The following FLT1 variants were observed in gnomAD, a reference collection of about 807,000 sequenced individuals.
FLT1 encodes the protein fms related receptor tyrosine kinase 1.
A neutral mutation model predicts 156.3 loss-of-function variants in FLT1; 49 were observed. The observed-to-expected ratio is 0.31, with a 90% confidence interval of 0.25 to 0.40. The LOEUF (loss-of-function observed/expected upper bound fraction) is 0.40. FLT1 is among the 10% of genes least tolerant of loss of function. FLT1 has a pLI of 1.00. For missense variants in FLT1, 1,322 were observed against 1,637.2 expected, an observed-to-expected ratio of 0.81 and a Z score of 3.32; for synonymous variants, 594 against 583.8, an observed-to-expected ratio of 1.02 and a Z score of -0.25.
chr13:28,481,097 C>G (rs577965230), intron 1 of FLT1, among the ~76,000 whole-genome samples: 1 of 152,298 alleles, frequency 6.6e-6, no homozygotes, highest in African/African-American at 2.4e-5. Flanking sequence ...GTAACATTAC[C>G]TAGTGACTCG....
Position 28,306,752 on chromosome 13 carries a change from G to A in FLT1, c.3741C>T (p.Ser1247=). The change falls in exon 29 of 30, where the codon AGC becomes AGT. Residue 1247 remains serine, a synonymous_variant. Transcript: ENST00000282397. ...TCAGCATGGGAGAGGCCAACAGAGT[G>A]CTGCTGTCGCCCTGGTAGTCCTAGG... ...SMFDDYQGDS[S]TLLASPMLKR... 1 of 1,613,590 alleles carries A rather than the reference G, an allele frequency of 6.2e-7. No individual in the cohort carries two copies. The highest frequency in any genetic ancestry group is 8.5e-7 in the Non-Finnish European group (1 of 1,179,526).
intron 14 of FLT1, among the ~76,000 whole-genome samples, chr13:28,381,753 G>C (rs143066066): frequency 6.6e-6 from 1 of 152,224 alleles, no homozygotes; most frequent in African/African-American, 2.4e-5. Flanking sequence ...TTGAGCCTAA[G>C]TTTTCCATTC....
chr13:28,389,936 G>A lies in FLT1; in HGVS notation c.1829C>T (p.Ala610Val), dbSNP rs1277417641. 1 of 1,613,960 alleles carries A rather than the reference G, an allele frequency of 6.2e-7. No individual in the cohort carries two copies. Among genetic ancestry groups the A allele is most frequent in the African/African-American group, 1.3e-5 (1 of 74,902 alleles). ...MHYSISKQKM[A>V]ITKEHSITLN... ...AGTGATGGAGTGCTCCTTAGTGATG[G>A]CCATTTTTTGCTTGCTAATACTGTA... Residue 610 changes from alanine (A) to valine (V), a missense_variant, in exon 13 of 30, where the codon GCC becomes GTC. Around this residue, in one of 3 missense-constraint regions of FLT1, gnomAD observed 991 missense variants for 1,254.8 expected, o/e 0.79. Transcript: ENST00000282397.
At chr13:28,452,953 CACCTAAGTCTGGCACT>C (rs1429011250) in intron 3 of FLT1, among the ~76,000 whole-genome samples, 1 of 138,428 alleles carries the variant, frequency 7.2e-6, no homozygotes, top group Non-Finnish European at 1.5e-5. Flanking sequence ...AGTCTGGCAC[CACCTAAGTCTGGCACT>C]ACCTTTATTC....
intron 3 of FLT1, among the ~76,000 whole-genome samples, chr13:28,444,742 G>A (rs530083671): frequency 1.3e-5 from 2 of 152,076 alleles, no homozygotes; most frequent in East Asian, 3.9e-4. Context: ...ACAAATATGT[G>A]GAAATTGACA....
intron 1 of FLT1, among the ~76,000 whole-genome samples, chr13:28,491,782 T>C (rs1881481466): frequency 6.6e-6 from 1 of 152,216 alleles, no homozygotes; most frequent in Non-Finnish European, 1.5e-5. Context: ...TCATTGAATT[T>C]TGGAGTCAGA....
At position 28,323,089 on chromosome 13, in the gene FLT1, A is replaced by G. The variant is rs1011272543; in HGVS notation, c.2797-143T>C. The G allele has an allele frequency of 7.9e-6, 7 of 881,708 alleles. No individual in the cohort carries two copies. In the African/African-American group the frequency reaches 8.3e-5, roughly 10 times the overall value. The allele number at this position is 881,708 out of a possible 1,614,324, so 54.6% of individuals were successfully genotyped here. On this transcript the variant is annotated intron_variant, in intron 20 of 29. Coordinates refer to ENST00000282397, the MANE Select transcript of FLT1 (RefSeq NM_002019.4). ...GATCGTGAACTAGCACAGGGGCCCT[A>G]CGGTGTCCAGGAGCCTGACTACCTC... is the stretch of plus-strand genomic sequence containing the variant.
At chr13:28,350,441 G>A (rs551431442) in intron 15 of FLT1, among the ~76,000 whole-genome samples, 2 of 152,142 alleles carry the variant, frequency 1.3e-5, no homozygotes, top group South Asian at 2.1e-4. Flanking sequence ...GTTCTGAAGG[G>A]GTGTGTATCT....
intron 11 of FLT1, among the ~76,000 whole-genome samples, chr13:28,403,626 A>G (rs1313627757): frequency 6.6e-6 from 1 of 152,258 alleles, no homozygotes; most frequent in African/African-American, 2.4e-5. Context: ...CATCCTCCTG[A>G]CATGGTCAGG....
In FLT1 at chr13:28,430,189, A is replaced by G. The variant is rs769858408; in HGVS notation, c.989-22T>C. ...TTATCTTTGAAAGGAGAAGTGATAC[A>G]TACATTAGAAAAGAATAATTTCCAT... is the stretch of plus-strand genomic sequence containing the variant. On this transcript the variant is annotated intron_variant, in intron 7 of 29. Transcript: ENST00000282397. 7 of 1,517,192 alleles carry G rather than the reference A, an allele frequency of 4.6e-6. No individual in the cohort carries two copies. The South Asian group carries it at 5.6e-5, about 12-fold the overall frequency. The allele number at this position is 1,517,192 out of a possible 1,614,324, so 94.0% of individuals were successfully genotyped here. A position where few individuals can be genotyped will look rare whatever the true frequency, so the allele number is the denominator to read the frequency against.
At chr13:28,438,971 T>G (rs1333662529) in intron 3 of FLT1, among the ~76,000 whole-genome samples, 1 of 152,236 alleles carries the variant, frequency 6.6e-6, no homozygotes, top group Non-Finnish European at 1.5e-5. Flanking sequence ...TTCATATGTA[T>G]ATTAGGCTTA....
intron 14 of FLT1, among the ~76,000 whole-genome samples, chr13:28,374,163 TG>T (rs1242799015): frequency 6.6e-6 from 1 of 152,130 alleles, no homozygotes; most frequent in Admixed American, 6.5e-5. Flanking sequence ...CACTTTAAAA[TG>T]GTTAAAATGA....
In FLT1 at chr13:28,345,547, G is replaced by C. The variant is rs2138859477; in HGVS notation, c.2253C>G (p.Thr751=). 6.3e-7 allele frequency: 1 copy of C among 1,595,686 alleles called. No homozygotes were observed. The highest frequency in any genetic ancestry group is 8.6e-7 in the Non-Finnish European group (1 of 1,165,080). ...ESSAYLTVQG[T]SDKSNLELIT... ...TCAGCTCCAGATTAGACTTGTCCGAGGTTCCTGGAGAGAAAAAAAATCACA... is the reference window on the plus strand; with the variant it reads ...TCAGCTCCAGATTAGACTTGTCCGACGTTCCTGGAGAGAAAAAAAATCACA... Residue 751 remains threonine, a synonymous_variant, in exon 16 of 30, where the codon ACC becomes ACG. Coordinates refer to ENST00000282397, the MANE Select transcript of FLT1 (RefSeq NM_002019.4).
intron 14 of FLT1, among the ~76,000 whole-genome samples, chr13:28,372,072 A>ATTT (rs1565990471): frequency 7.1e-4 from 11 of 15,512 alleles, no homozygotes; most frequent in African/African-American, 9.8e-4. Flanking sequence ...ATATATATAT[A>ATTT]TATATTTTTT....
chr13:28,488,206 T>C (rs1052745003), intron 1 of FLT1, among the ~76,000 whole-genome samples: 1 of 152,118 alleles, frequency 6.6e-6, no homozygotes, highest in Admixed American at 6.5e-5. Flanking sequence ...AAGACCAGCC[T>C]GGCCAATATG....
At chr13:28,330,376 T>C (rs1871876322) in intron 18 of FLT1, among the ~76,000 whole-genome samples, 2 of 152,226 alleles carry the variant, frequency 1.3e-5, no homozygotes, top group African/African-American at 2.4e-5. Flanking sequence ...TTAGTTAATA[T>C]GCAAGGCATT....
At chr13:28,327,440 C>A in intron 20 of FLT1, 22 bp downstream of exon 20, 1 of 1,476,816 alleles carries the variant, frequency 6.8e-7, no homozygotes, top group East Asian at 2.3e-5. Context: ...CTTTAAAAAC[C>A]TCCAACTTTT....
chr13:28,359,402 C>T (rs1873026523), intron 14 of FLT1, among the ~76,000 whole-genome samples: 3 of 152,130 alleles, frequency 2.0e-5, no homozygotes, highest in Admixed American at 2.0e-4. Context: ...GGATTAAAAA[C>T]TTAAATGTAA....
At chr13:28,362,282 A>C (rs1593709230) in intron 14 of FLT1, among the ~76,000 whole-genome samples, 1 of 152,212 alleles carries the variant, frequency 6.6e-6, no homozygotes, top group Admixed American at 6.5e-5. Flanking sequence ...AATGAGAATA[A>C]TACCTGCTCC....
Sources: allele counts gnomAD v4.1 joint callset (sites outside exome capture counted in the v4.1 genomes callset), GRCh38; gene constraint gnomAD v4.1.1; regional missense constraint gnomAD v4.1.1; transcripts MANE v1.5; gene names NCBI Gene and HGNC (gene_info 2026-07-23, HGNC 2026-07-21).